The following KIAA1671 variants were observed in gnomAD, a reference collection of about 807,000 sequenced individuals.
KIAA1671 encodes the protein KIAA1671, also known as uncharacterized protein KIAA1671.
Under a neutral mutation model 131.2 loss-of-function variants are expected in KIAA1671, and 52 were observed. That is an observed-to-expected ratio of 0.40 (90% confidence interval 0.32 to 0.50). The LOEUF (loss-of-function observed/expected upper bound fraction) is 0.50. Among genes scored for constraint, KIAA1671 ranks in the 20% least tolerant of loss-of-function variants. KIAA1671 has a pLI of 0.73. For synonymous variants in KIAA1671, 1,003 were observed against 961.6 expected, an observed-to-expected ratio of 1.04 and a Z score of -0.80; for missense variants, 2,360 against 2,364.2, an observed-to-expected ratio of 1.00 and a Z score of 0.04.
intron 7 of KIAA1671, 61 bp from the exon 8 acceptor site, chr22:25,174,179 A>C (rs1933943661): frequency 6.6e-7 from 1 of 1,524,456 alleles, no homozygotes; most frequent in Non-Finnish European, 8.9e-7. Flanking sequence ...CCTTCACTTG[A>C]AATCCCGTTC....
intron 4 of KIAA1671, among the ~76,000 whole-genome samples, chr22:25,033,574 GTT>G (rs71191019): frequency 2.4e-4 from 14 of 58,426 alleles, no homozygotes; most frequent in Admixed American, 8.8e-4. Flanking sequence ...GTTTGTTTTC[GTT>G]TTTTTTTTTT....
At chr22:25,017,035 A>G (rs1275158096) in intron 1 of KIAA1671, among the ~76,000 whole-genome samples, 1 of 152,116 alleles carries the variant, frequency 6.6e-6, no homozygotes, top group Non-Finnish European at 1.5e-5. Context: ...GGTTTATGCA[A>G]AACTTCATAG....
intron 10 of KIAA1671, 50 bp from the exon 11 acceptor site, chr22:25,184,927 C>G (rs1400259857): frequency 1.3e-6 from 2 of 1,548,862 alleles, no homozygotes; most frequent in African/African-American, 2.7e-5. Context: ...GGAGGGGGCC[C>G]TTCCCCAGAC....
In KIAA1671 at chr22:25,193,485, T is replaced by C. The variant is rs922564549; in HGVS notation, c.*1084T>C. Reference sequence around the variant, plus strand: ...ACAGATGCATGAATGAAGGGTACTTTTTGCTTTTGCTCACCTCATTTTCCT... The same window carrying C: ...ACAGATGCATGAATGAAGGGTACTTCTTGCTTTTGCTCACCTCATTTTCCT... On this transcript the variant is annotated 3_prime_UTR_variant, in exon 13 of 13. Transcript: ENST00000358431. 1 of 152,240 alleles carries C rather than the reference T, an allele frequency of 6.6e-6. No homozygotes were observed. Among genetic ancestry groups the C allele is most frequent in the Non-Finnish European group, 1.5e-5 (1 of 68,048 alleles). 9.4% of individuals were successfully genotyped at this position (152,240 alleles called of 1,614,324 possible).
chr22:25,074,186 G>C (rs1196331090), intron 6 of KIAA1671, among the ~76,000 whole-genome samples: 3 of 141,486 alleles, frequency 2.1e-5, no homozygotes, highest in Non-Finnish European at 4.7e-5. Context: ...TATATATAGA[G>C]AGGATATATA....
At chr22:25,101,390 T>A (rs1930660373) in intron 6 of KIAA1671, among the ~76,000 whole-genome samples, 14 of 152,196 alleles carry the variant, frequency 9.2e-5, no homozygotes, top group Admixed American at 9.2e-4. Context: ...CTCCACAGCA[T>A]GGAAAACGCT....
intron 1 of KIAA1671, among the ~76,000 whole-genome samples, chr22:24,979,151 A>G (rs1440395701): frequency 1.4e-5 from 2 of 143,690 alleles, no homozygotes; most frequent in African/African-American, 2.6e-5. Context: ...GCACATCACC[A>G]TGCCTGGCTA....
intron 6 of KIAA1671, chr22:25,052,609 C>T (rs1271423979): frequency 1.3e-5 from 2 of 152,140 alleles, no homozygotes; most frequent in Non-Finnish European, 2.9e-5. Flanking sequence ...TTCCACTCGT[C>T]TTACGTGGTA....
At chr22:25,074,620 C>G (rs570229466) in intron 6 of KIAA1671, among the ~76,000 whole-genome samples, 13 of 150,536 alleles carry the variant, frequency 8.6e-5, no homozygotes, top group African/African-American at 3.2e-4. Context: ...AACATGTGTC[C>G]ATGAAACATG....
intron 1 of KIAA1671, among the ~76,000 whole-genome samples, chr22:25,016,255 G>A (rs1239958481): frequency 4.6e-5 from 7 of 151,940 alleles, no homozygotes; most frequent in Admixed American, 1.3e-4. Flanking sequence ...TCCTGACCTC[G>A]TGATCCGCCC....
At chr22:25,065,797 G>A (rs924894011) in intron 6 of KIAA1671, among the ~76,000 whole-genome samples, 1 of 151,718 alleles carries the variant, frequency 6.6e-6, no homozygotes, top group Non-Finnish European at 1.5e-5. Context: ...CTGCCACCAC[G>A]CCCGGCTAAT....
chr22:25,055,125 A>G (rs888800445), intron 6 of KIAA1671: 1 of 149,768 alleles, frequency 6.7e-6, no homozygotes, highest in African/African-American at 2.4e-5. Context: ...AGGATCTGCC[A>G]GGGCAAAGGT....
intron 6 of KIAA1671, chr22:25,056,811 CAAAAAAAAAAAAAA>C (rs3063214): frequency 1.7e-5 from 1 of 57,820 alleles, no homozygotes; most frequent in Middle Eastern, 0.012. Context: ...GACTCTGTCT[CAAAAAAAAAAAAAA>C]AAAAAAAAGG....
intron 6 of KIAA1671, among the ~76,000 whole-genome samples, chr22:25,120,087 C>T (rs950415586): frequency 2.6e-5 from 4 of 152,124 alleles, no homozygotes; most frequent in African/African-American, 9.7e-5. Context: ...GTTACTAATA[C>T]ATTTCTCCTG....
At chr22:25,183,709 A>G (rs1934373295) in intron 10 of KIAA1671, among the ~76,000 whole-genome samples, 1 of 151,788 alleles carries the variant, frequency 6.6e-6, no homozygotes, top group Non-Finnish European at 1.5e-5. Flanking sequence ...TTTTTAGTAG[A>G]AACGGGGTTT....
At chr22:24,998,580 G>A (rs1170272873) in intron 1 of KIAA1671, among the ~76,000 whole-genome samples, 5 of 151,716 alleles carry the variant, frequency 3.3e-5, no homozygotes, top group Non-Finnish European at 5.9e-5. Context: ...TTAGCTGGGC[G>A]TAGTGGCGGG....
chr22:25,036,645 G>A (rs1926614586), intron 4 of KIAA1671, among the ~76,000 whole-genome samples: 2 of 152,222 alleles, frequency 1.3e-5, no homozygotes, highest in South Asian at 2.1e-4. Context: ...TTGGCCGGGC[G>A]TGGTGGCTCA....
intron 1 of KIAA1671, among the ~76,000 whole-genome samples, chr22:24,953,096 C>G (rs998527277): frequency 6.6e-6 from 1 of 152,012 alleles, no homozygotes; most frequent in African/African-American, 2.4e-5. Flanking sequence ...ACTTGGGAGT[C>G]GATCCCTGGA....
intron 6 of KIAA1671, among the ~76,000 whole-genome samples, chr22:25,110,310 G>T (rs1250349813): frequency 6.6e-6 from 1 of 152,046 alleles, no homozygotes; most frequent in African/African-American, 2.4e-5. Context: ...GAAGTGAGGT[G>T]GTGGTGGAAA....
Sources: gnomAD v4.1 joint callset for allele counts (sites outside exome capture counted in the v4.1 genomes callset) on GRCh38, gnomAD v4.1.1 for gene constraint, MANE v1.5 for transcripts, NCBI Gene and HGNC (gene_info 2026-07-23, HGNC 2026-07-21) for gene names.